Variants in ANKHD1 observed in about 807,000 individuals in gnomAD.
ANKHD1 encodes the protein ankyrin repeat and KH domain containing 1.
Under a neutral mutation model 230.5 loss-of-function variants are expected in ANKHD1, and 31 were observed. The observed-to-expected ratio is 0.13, with a 90% CI of 0.10 to 0.18. ANKHD1 has a LOEUF of 0.18. Among genes scored for constraint, ANKHD1 ranks in the 10% least tolerant of loss-of-function variants. ANKHD1 has a pLI of 1.00. For synonymous variants in ANKHD1, 1,074 were observed against 1,117.6 expected, an observed-to-expected ratio of 0.96 and a Z score of 0.78; for missense variants, 2,256 against 3,071.3, an observed-to-expected ratio of 0.73 and a Z score of 6.27.
At chr5:140,489,482 TATAAATAA>T (rs530084649) in intron 14 of ANKHD1, among the ~76,000 whole-genome samples, 1,876 of 151,884 alleles carry the variant, frequency 0.012, 33 homozygotes, top group African/African-American at 0.042. Context: ...AGCCTCAAAA[TATAAATAA>T]ATAAATAAAT....
rs1752847056 is a variant in ANKHD1, at chr5:140,513,401, T to C, written c.4239T>C (p.Ile1413=). Residue 1413 remains isoleucine (I), a synonymous_variant, in exon 24 of 34, where the codon ATT becomes ATC. Coordinates refer to ENST00000360839, the MANE Select transcript of ANKHD1 (RefSeq NM_017747.3). The part of the protein sequence containing the change: ...LKKCHQCVET[I]VKAKDQQAAE... ...AATGTCATCAATGTGTCGAAACCAT[T>C]GTGAAGGCTAAAGACCAGCAAGCTG... 1.2e-6 allele frequency: 2 copies of C among 1,613,214 alleles called. No homozygotes were observed. The highest frequency in any genetic ancestry group is 1.7e-6 in the Non-Finnish European group (2 of 1,179,618).
At chr5:140,521,637 G>A (rs1753354582) in intron 24 of ANKHD1, among the ~76,000 whole-genome samples, 1 of 151,900 alleles carries the variant, frequency 6.6e-6, no homozygotes, top group Admixed American at 6.6e-5. Context: ...TTTTAAAATA[G>A]CATTAGTGAA....
At position 140,538,194 on chromosome 5, in the gene ANKHD1, C is replaced by T. The variant is rs142133906; in HGVS notation, c.7337C>T (p.Ser2446Phe). ...SQHQPMERDD[S>F]GMVAPSNIFH... ...CATCAGCCAATGGAGAGAGATGATT[C>T]TGGAATGGTAGCCCCCTCTAACATT... Residue 2446 changes from serine to phenylalanine, a missense_variant, in exon 32 of 34, where the codon TCT becomes TTT. This residue lies in a region of ANKHD1 where 778 missense variants were observed against 966.5 expected (regional missense o/e 0.80). Transcript: ENST00000360839. 1.2e-5 allele frequency: 20 copies of T among 1,614,074 alleles called. No homozygotes were observed. The highest frequency in any genetic ancestry group is 1.6e-5 in the Non-Finnish European group (19 of 1,180,050).
chr5:140,427,521 C>T lies in ANKHD1; in HGVS notation c.307-8583C>T, dbSNP rs1292554803. On this transcript the variant is annotated intron_variant, in intron 1 of 33. Coordinates refer to ENST00000360839, the MANE Select transcript of ANKHD1 (RefSeq NM_017747.3). Reference sequence around the variant, plus strand: ...CCGGGCAGAGGCGCCCCTCACCTCCCGGACGGGGCGGCTGGCCGGGCGGGG... The same window carrying T: ...CCGGGCAGAGGCGCCCCTCACCTCCTGGACGGGGCGGCTGGCCGGGCGGGG... Among the ~76,000 whole-genome samples, 240 of 140,110 alleles carry T rather than the reference C, an allele frequency of 1.7e-3. 2 individuals are homozygous for T. Among genetic ancestry groups the T allele is most frequent in the African/African-American group, 5.3e-3 (201 of 37,674 alleles). The allele number at this position is 140,110 out of a possible 152,430, so 91.9% of individuals were successfully genotyped here.
chr5:140,535,656 G>C (rs932930947), intron 30 of ANKHD1, 118 bp downstream of exon 30: 26 of 1,310,682 alleles, frequency 2.0e-5, no homozygotes, highest in African/African-American at 3.0e-5. Flanking sequence ...GATGCCCAAG[G>C]TTTGTTCTGT....
At chr5:140,427,054 G>A (rs1267581377) in intron 1 of ANKHD1, among the ~76,000 whole-genome samples, 2 of 151,876 alleles carry the variant, frequency 1.3e-5, no homozygotes, top group Non-Finnish European at 2.9e-5. Context: ...ACGGGGTGGT[G>A]GCCGGGCGGA....
At chr5:140,403,716 C>G (rs1205172281) in intron 1 of ANKHD1, among the ~76,000 whole-genome samples, 5 of 152,068 alleles carry the variant, frequency 3.3e-5, no homozygotes, top group African/African-American at 1.2e-4. Flanking sequence ...AGTACTGTAC[C>G]GTGATTGTTT....
At position 140,527,144 on chromosome 5, in the gene ANKHD1, GTTAA is replaced by G; in HGVS notation, c.5087+76_5087+79del. The G allele has an allele frequency of 9.5e-6, 14 of 1,466,678 alleles. No individual in the cohort carries two copies. Among genetic ancestry groups the G allele is most frequent in the Non-Finnish European group, 1.3e-5 (14 of 1,104,350 alleles). The allele number at this position is 1,466,678 out of a possible 1,614,324, so 90.9% of individuals were successfully genotyped here. A position where few individuals can be genotyped will look rare whatever the true frequency, so the allele number is the denominator to read the frequency against. On this transcript the variant is annotated intron_variant, in intron 27 of 33. Transcript: ENST00000360839. The surrounding 1 kb of genome is among the most constrained non-coding windows in gnomAD (Gnocchi z 4.5). ...CTTTCTCATGTGAGATGGCTACCTA[GTTAA>G]TTAATGAATAATTTGAATGTGGTTA...
rs750835186 is a variant in ANKHD1, at chr5:140,485,572, T to C, written c.1999-17T>C. On this transcript the variant is annotated splice_polypyrimidine_tract_variant and intron_variant, in intron 12 of 33. Coordinates refer to ENST00000360839, the MANE Select transcript of ANKHD1 (RefSeq NM_017747.3). The surrounding 1 kb of genome is among the most constrained non-coding windows in gnomAD (Gnocchi z 4.8). ...AGAAACTATAAAGAATTAATTATCA[T>C]GGCAATTCTTTTTCAGGATGGTTCA... 4 of 1,612,012 alleles carry C rather than the reference T, an allele frequency of 2.5e-6. No homozygotes were observed. Among genetic ancestry groups the C allele is most frequent in the Non-Finnish European group, 3.4e-6 (4 of 1,179,412 alleles).
intron 14 of ANKHD1, among the ~76,000 whole-genome samples, chr5:140,488,261 G>T (rs903924908): frequency 5.3e-5 from 8 of 152,028 alleles, no homozygotes; most frequent in Admixed American, 1.3e-4. Flanking sequence ...GAGGACTGTA[G>T]TAACTTTGGC....
intron 14 of ANKHD1, among the ~76,000 whole-genome samples, chr5:140,488,088 A>G (rs555052493): frequency 1.3e-5 from 2 of 152,284 alleles, no homozygotes; most frequent in African/African-American, 4.8e-5. Flanking sequence ...GCTATTCAAA[A>G]TTTTCCTGCT....
chr5:140,490,080 T>A (rs1374844466), intron 14 of ANKHD1, among the ~76,000 whole-genome samples: 1 of 152,230 alleles, frequency 6.6e-6, no homozygotes, highest in Non-Finnish European at 1.5e-5. Context: ...GCTTCTCTTT[T>A]ATGTCTCTGG....
intron 9 of ANKHD1, among the ~76,000 whole-genome samples, chr5:140,460,706 A>G (rs1218922827): frequency 6.6e-6 from 1 of 151,914 alleles, no homozygotes; most frequent in Non-Finnish European, 1.5e-5. Context: ...TTTTTTGTAG[A>G]GATGGGATTT....
At chr5:140,437,801 A>T (rs1773562650) in intron 2 of ANKHD1, among the ~76,000 whole-genome samples, 1 of 152,180 alleles carries the variant, frequency 6.6e-6, no homozygotes, top group African/African-American at 2.4e-5. Flanking sequence ...AAAAATCAAC[A>T]ATTTTTGAGA....
chr5:140,472,157 T>A, intron 10 of ANKHD1: 1 of 1,114,528 alleles, frequency 9.0e-7, no homozygotes, highest in Non-Finnish European at 1.3e-6. Context: ...CCATCTGAAG[T>A]ATCGGTCACA....
intron 14 of ANKHD1, among the ~76,000 whole-genome samples, chr5:140,496,132 A>G (rs1466846286): frequency 6.6e-6 from 1 of 152,146 alleles, no homozygotes; most frequent in African/African-American, 2.4e-5. Flanking sequence ...TTTCAACGCT[A>G]TTTTGATACT....
intron 5 of ANKHD1, among the ~76,000 whole-genome samples, chr5:140,443,620 G>C (rs1288805239): frequency 6.6e-6 from 1 of 151,906 alleles, no homozygotes; most frequent in Non-Finnish European, 1.5e-5. Context: ...GAACCCAGGA[G>C]GCGGAGCTTG....
intron 1 of ANKHD1, among the ~76,000 whole-genome samples, chr5:140,402,539 C>T (rs1770038778): frequency 6.6e-6 from 1 of 152,202 alleles, no homozygotes; most frequent in South Asian, 2.1e-4. Flanking sequence ...AGGGACTCCT[C>T]AGGCTGCCTC....
At chr5:140,482,772 ATTGTATTCTT>A in intron 11 of ANKHD1, 105 bp downstream of exon 11, 1 of 1,208,780 alleles carries the variant, frequency 8.3e-7, no homozygotes, top group Non-Finnish European at 1.2e-6. Flanking sequence ...ACAGTAAAGT[ATTGTATTCTT>A]GCCTTTTGTT....
Sources: allele counts gnomAD v4.1 joint callset (sites outside exome capture counted in the v4.1 genomes callset), GRCh38; gene constraint gnomAD v4.1.1; regional missense constraint gnomAD v4.1.1; non-coding constraint Gnocchi (gnomAD v3.1); transcripts MANE v1.5; gene names NCBI Gene and HGNC (gene_info 2026-07-23, HGNC 2026-07-21).